STIMATE: variants seen among roughly 807,000 people sequenced by gnomAD.
STIMATE encodes the protein store-operated calcium entry regulator STIMATE.
A neutral mutation model predicts 36.7 loss-of-function variants in STIMATE; 15 were observed. The ratio of observed to expected loss-of-function variants is 0.41; its 90% CI spans 0.27 to 0.63. The LOEUF (loss-of-function observed/expected upper bound fraction) is 0.63, where lower values mean the gene tolerates loss of function less well. STIMATE is among the 20% of genes least tolerant of loss of function. The pLI, the probability that STIMATE is intolerant of heterozygous loss-of-function variation, is 0.32. For synonymous variants in STIMATE, 163 were observed against 162.3 expected (o/e 1.00, Z -0.03); for missense variants, 305 against 397.3 (o/e 0.77, Z 1.98).
At chr3:52,876,595 G>A (rs1239500878) in intron 1 of STIMATE, among the ~76,000 whole-genome samples, 2 of 152,202 alleles carry the variant, frequency 1.3e-5, no homozygotes, top group Non-Finnish European at 2.9e-5. Flanking sequence ...TGAAGATCAA[G>A]AGGATGAAAA....
In STIMATE at chr3:52,870,986, T is replaced by C. The variant is rs1327955129; in HGVS notation, c.161-15542A>G. Among the ~76,000 whole-genome samples, 5 of 152,006 alleles carry C rather than the reference T, an allele frequency of 3.3e-5. No homozygotes were observed. The East Asian group carries it at 7.7e-4, about 24-fold the overall frequency. ...CTCCCAAGGCTTCCCACTCAGGACC[T>C]GAGTGCCGCAGGTCCTGAATCTTGC... On this transcript the variant is annotated intron_variant, in intron 1 of 7. Transcript: ENST00000355083.
chr3:52,868,819 C>A (rs749083552), intron 1 of STIMATE, among the ~76,000 whole-genome samples: 1 of 152,032 alleles, frequency 6.6e-6, no homozygotes, highest in Admixed American at 6.6e-5. Flanking sequence ...AAGGTTTTAC[C>A]GTGTTGTCTA....
intron 1 of STIMATE, among the ~76,000 whole-genome samples, chr3:52,877,601 G>C (rs560415437): frequency 2.0e-5 from 3 of 152,302 alleles, no homozygotes; most frequent in Non-Finnish European, 2.9e-5. Flanking sequence ...AGTTCGACCT[G>C]TACATGAAGT....
At chr3:52,863,220 G>A (rs35230793) in intron 1 of STIMATE, among the ~76,000 whole-genome samples, 10,548 of 152,186 alleles carry the variant, frequency 0.069, 437 homozygotes, top group Non-Finnish European at 0.095. Flanking sequence ...AGACATACCC[G>A]AGACTGGGAA....
At chr3:52,853,579 T>G (rs1306995923) in intron 2 of STIMATE, among the ~76,000 whole-genome samples, 1 of 152,060 alleles carries the variant, frequency 6.6e-6, no homozygotes, top group East Asian at 1.9e-4. Context: ...GGAAAATCAT[T>G]CCCTAGACTC....
chr3:52,847,124 G>T (rs1216313607), intron 4 of STIMATE: 10 of 696,172 alleles, frequency 1.4e-5, no homozygotes, highest in Non-Finnish European at 1.8e-5. Context: ...TTCCAAGGCT[G>T]GTCTTAAGCT....
Position 52,840,281 on chromosome 3 carries a change from AC to A in STIMATE, c.*212del. On this transcript the variant is annotated 3_prime_UTR_variant, in exon 8 of 8. Coordinates refer to ENST00000355083, the MANE Select transcript of STIMATE (RefSeq NM_198563.5). Reference sequence around the variant, plus strand: ...GTGTTTGTAGTGCAACTGAATGGGGACCTCCAGCCGCCAGTGGCCCCCTCGG... The same window carrying A: ...GTGTTTGTAGTGCAACTGAATGGGGACTCCAGCCGCCAGTGGCCCCCTCGG... 1.9e-6 allele frequency: 1 copy of A among 514,008 alleles called. No individual in the cohort carries two copies. The highest frequency in any genetic ancestry group is 3.5e-6 in the Non-Finnish European group (1 of 289,214). 31.8% of individuals were successfully genotyped at this position (514,008 alleles called of 1,614,324 possible).
At chr3:52,879,996 CTTT>C (rs1261939982) in intron 1 of STIMATE, among the ~76,000 whole-genome samples, 1 of 152,240 alleles carries the variant, frequency 6.6e-6, no homozygotes, top group Non-Finnish European at 1.5e-5. Flanking sequence ...ATGATGTCTT[CTTT>C]GATTCCTGCC....
At chr3:52,880,328 G>T (rs559856256) in intron 1 of STIMATE, among the ~76,000 whole-genome samples, 1 of 152,368 alleles carries the variant, frequency 6.6e-6, no homozygotes, top group African/African-American at 2.4e-5. Context: ...CCAGATGTGG[G>T]TGGGGCAAGC....
At chr3:52,895,762 G>T in intron 1 of STIMATE, 1 of 605,074 alleles carries the variant, frequency 1.7e-6, no homozygotes, top group Non-Finnish European at 2.5e-6. Context: ...GCCAGAGCTA[G>T]GCTAAGAAAC....
At chr3:52,843,386 C>T (rs1046345017) in intron 6 of STIMATE, among the ~76,000 whole-genome samples, 2 of 152,060 alleles carry the variant, frequency 1.3e-5, no homozygotes, top group African/African-American at 2.4e-5. Flanking sequence ...TCTCAAGATC[C>T]GTGGTCAGGA....
At chr3:52,896,468 C>T (rs530806949) in intron 1 of STIMATE, among the ~76,000 whole-genome samples, 1 of 152,042 alleles carries the variant, frequency 6.6e-6, no homozygotes, top group Non-Finnish European at 1.5e-5. Context: ...GAAGCCCCCC[C>T]CCACCCCCCA....
At chr3:52,849,960 C>G in intron 3 of STIMATE, 47 bp from the exon 4 acceptor site, 4 of 1,591,680 alleles carry the variant, frequency 2.5e-6, no homozygotes, top group Non-Finnish European at 3.4e-6. Flanking sequence ...GCCACGGGGC[C>G]AGAGGTCATG....
intron 1 of STIMATE, among the ~76,000 whole-genome samples, chr3:52,879,553 A>G (rs1701567598): frequency 6.6e-6 from 1 of 152,266 alleles, no homozygotes; most frequent in Non-Finnish European, 1.5e-5. Context: ...GGGATATACA[A>G]TGTAAATAAA....
chr3:52,891,177 A>G (rs754873044), intron 1 of STIMATE, among the ~76,000 whole-genome samples: 1 of 152,234 alleles, frequency 6.6e-6, no homozygotes, highest in Non-Finnish European at 1.5e-5. Flanking sequence ...AGTAATCAGA[A>G]AGTGAACCTG....
chr3:52,855,508 C>G, intron 1 of STIMATE, 64 bp from the exon 2 acceptor site: 1 of 1,608,804 alleles, frequency 6.2e-7, no homozygotes. Flanking sequence ...ATGCACATAA[C>G]AAGCTGGGTT....
rs1452631228 is a variant in STIMATE at position 52,838,847 on chromosome 3, T to TG, written c.*1646dup. Reference sequence around the variant, plus strand: ...TGTGCTTAAGTGAAACACGTGCTCATGCAGGTCTAAAAGGAAGGTCCTAAG... The same window carrying TG: ...TGTGCTTAAGTGAAACACGTGCTCATGGCAGGTCTAAAAGGAAGGTCCTAAG... On this transcript the variant is annotated 3_prime_UTR_variant, in exon 8 of 8. Transcript: ENST00000355083. 5 of 152,266 alleles carry TG rather than the reference T, an allele frequency of 3.3e-5. No homozygotes were observed. Among genetic ancestry groups the TG allele is most frequent in the African/African-American group, 1.2e-4 (5 of 41,454 alleles). The allele number at this position is 152,266 out of a possible 1,614,324, so 9.4% of individuals were successfully genotyped here. A position where few individuals can be genotyped will look rare whatever the true frequency, so the allele number is the denominator to read the frequency against.
intron 1 of STIMATE, among the ~76,000 whole-genome samples, chr3:52,857,673 G>GTA (rs1300713070): frequency 1.1e-4 from 16 of 151,580 alleles, no homozygotes; most frequent in African/African-American, 2.7e-4. Context: ...TTATAATTAT[G>GTA]TATAATAAAT....
intron 1 of STIMATE, among the ~76,000 whole-genome samples, chr3:52,889,965 C>T (rs1489196959): frequency 6.6e-6 from 1 of 152,150 alleles, no homozygotes; most frequent in Non-Finnish European, 1.5e-5. Context: ...CCTCTTTGTT[C>T]TGAGACCCTC....
Sources: allele counts gnomAD v4.1 joint callset (sites outside exome capture counted in the v4.1 genomes callset), GRCh38; gene constraint gnomAD v4.1.1; transcripts MANE v1.5; gene names NCBI Gene and HGNC (gene_info 2026-07-23, HGNC 2026-07-21).